Variants in ZNF540 observed in about 807,000 individuals in gnomAD.
ZNF540 encodes the protein CTD-3064H18.6.
Under a neutral mutation model 11.8 loss-of-function variants are expected in ZNF540, and 3 were observed. The observed-to-expected ratio is 0.25, with a 90% CI of 0.12 to 0.65. The LOEUF (loss-of-function observed/expected upper bound fraction) is 0.65. Among genes scored for constraint, ZNF540 ranks in the 30% least tolerant of loss-of-function variants. The probability of loss-of-function intolerance (pLI) is 0.83; values close to 1 mark genes in which losing one functional copy is unlikely to be tolerated. For missense variants in ZNF540, 709 were observed against 793.1 expected (o/e 0.89, Z 1.27); for synonymous variants, 247 against 259.0 (o/e 0.95, Z 0.45).
chr19:37,606,457 G>C (rs1406297074), intron 4 of ZNF540, among the ~76,000 whole-genome samples: 1 of 152,154 alleles, frequency 6.6e-6, no homozygotes, highest in Non-Finnish European at 1.5e-5. Context: ...GAACTGCTGG[G>C]TTATATGACG....
chr19:37,571,476 A>G (rs1435142623), intron 1 of ZNF540, among the ~76,000 whole-genome samples: 1 of 152,194 alleles, frequency 6.6e-6, no homozygotes, highest in Admixed American at 6.5e-5. Context: ...AGCCTGGGTG[A>G]GAGAGCGAGA....
intron 4 of ZNF540, among the ~76,000 whole-genome samples, chr19:37,610,200 T>C (rs540905714): frequency 1.1e-3 from 174 of 152,358 alleles, no homozygotes; most frequent in Non-Finnish European, 2.2e-3. Context: ...AATTAAGTGA[T>C]TGTCCTGATA....
At chr19:37,556,113 G>C (rs781759600) in intron 1 of ZNF540, 48 of 702,634 alleles carry the variant, frequency 6.8e-5, no homozygotes, top group Non-Finnish European at 1.1e-4. Flanking sequence ...GACACTTCCT[G>C]CTTTTGGGAC....
chr19:37,559,431 T>C (rs750137887), intron 1 of ZNF540, among the ~76,000 whole-genome samples: 3 of 152,202 alleles, frequency 2.0e-5, no homozygotes, highest in Non-Finnish European at 4.4e-5. Flanking sequence ...TTTGCAGAAA[T>C]AGAAAACTCA....
chr19:37,570,958 ACAAAT>A, intron 1 of ZNF540, among the ~76,000 whole-genome samples: 1 of 152,228 alleles, frequency 6.6e-6, no homozygotes, highest in East Asian at 1.9e-4. Context: ...GTGGTGTAAT[ACAAAT>A]TACTCTAATT....
chr19:37,604,295 A>ATTTT, intron 4 of ZNF540, among the ~76,000 whole-genome samples: 1 of 33,912 alleles, frequency 2.9e-5, no homozygotes, highest in Non-Finnish European at 5.8e-5. Context: ...AAATAGCCTT[A>ATTTT]CTTTTTTTTT....
chr19:37,583,251 G>T (rs11083427), intron 1 of ZNF540, among the ~76,000 whole-genome samples: 26,071 of 152,122 alleles, frequency 0.17, 2,492 homozygotes, highest in Middle Eastern at 0.3. Context: ...CTCTCAGTAC[G>T]TATGTGCTGG....
intron 1 of ZNF540, chr19:37,562,575 G>A: frequency 6.6e-6 from 1 of 152,122 alleles, no homozygotes; most frequent in East Asian, 1.9e-4. Flanking sequence ...TTGATTGATT[G>A]CTGCTCCAAT....
At chr19:37,600,259 A>G (rs2044028748) in intron 3 of ZNF540, among the ~76,000 whole-genome samples, 1 of 152,210 alleles carries the variant, frequency 6.6e-6, no homozygotes, top group Non-Finnish European at 1.5e-5. Flanking sequence ...AATTTTACCT[A>G]TTGGACATTA....
intron 3 of ZNF540, 78 bp downstream of exon 3, chr19:37,599,830 T>G: frequency 6.9e-7 from 1 of 1,440,180 alleles, no homozygotes; most frequent in East Asian, 2.4e-5. Flanking sequence ...TTAGGACTAA[T>G]TATTAAGAAA....
chr19:37,564,563 A>T (rs749522607), intron 1 of ZNF540: 1 of 1,452,948 alleles, frequency 6.9e-7, no homozygotes, highest in Admixed American at 2.5e-5. Context: ...AAATAGATGA[A>T]GATTTTCTTA....
At chr19:37,596,393 C>T (rs546046907) in intron 1 of ZNF540, among the ~76,000 whole-genome samples, 1 of 152,260 alleles carries the variant, frequency 6.6e-6, no homozygotes, top group African/African-American at 2.4e-5. Flanking sequence ...GTCTCGAACT[C>T]CTGGGTTCAA....
chr19:37,598,989 T>G (rs1171099191), intron 2 of ZNF540, among the ~76,000 whole-genome samples: 1 of 152,176 alleles, frequency 6.6e-6, no homozygotes. Context: ...TACATCAATA[T>G]TCTTAATCTC....
intron 1 of ZNF540, among the ~76,000 whole-genome samples, chr19:37,568,253 C>T (rs1029734454): frequency 6.6e-6 from 1 of 151,948 alleles, no homozygotes; most frequent in Admixed American, 6.6e-5. Flanking sequence ...AAATAAGCCT[C>T]CAAAACTTGA....
At chr19:37,575,449 T>C (rs566301392) in intron 1 of ZNF540, 46 of 152,360 alleles carry the variant, frequency 3.0e-4, no homozygotes, top group Admixed American at 1.2e-3. Context: ...CATGAAATTA[T>C]TGATTATTCA....
chr19:37,553,331 C>T (rs1271256946), intron 1 of ZNF540, among the ~76,000 whole-genome samples: 1 of 151,380 alleles, frequency 6.6e-6, no homozygotes, highest in Non-Finnish European at 1.5e-5. Context: ...TGGGGTTTCA[C>T]CATGTTGGCC....
chr19:37,564,738 C>T (rs1194688370), intron 1 of ZNF540: 22 of 1,613,548 alleles, frequency 1.4e-5, no homozygotes, highest in Non-Finnish European at 1.9e-5. Flanking sequence ...AAGGCCCTCC[C>T]ACATTCCTTA....
chr19:37,579,783 G>A (rs1055962770), intron 1 of ZNF540, among the ~76,000 whole-genome samples: 1 of 152,098 alleles, frequency 6.6e-6, no homozygotes, highest in Non-Finnish European at 1.5e-5. Context: ...CCCAGTACTA[G>A]CAACCAGCAT....
chr19:37,580,812 G>C (rs539433408), intron 1 of ZNF540, among the ~76,000 whole-genome samples: 1 of 152,298 alleles, frequency 6.6e-6, no homozygotes, highest in African/African-American at 2.4e-5. Context: ...AAGCCAAACA[G>C]ACATAGGTGC....
Sources: gnomAD v4.1 joint callset for allele counts (sites outside exome capture counted in the v4.1 genomes callset) on GRCh38, gnomAD v4.1.1 for gene constraint, MANE v1.5 for transcripts, NCBI Gene and HGNC (gene_info 2026-07-23, HGNC 2026-07-21) for gene names.